SNX29: variants seen among roughly 807,000 people sequenced by gnomAD.
SNX29 encodes sorting nexin 29, also known as sorting nexin-29.
Under a neutral mutation model 102.1 loss-of-function variants are expected in SNX29, and 78 were observed. The observed-to-expected ratio is 0.76, with a 90% CI of 0.64 to 0.92. The LOEUF is 0.92. Among genes scored for constraint, SNX29 ranks in the 40% least tolerant of loss-of-function variants. The pLI, the probability that SNX29 is intolerant of heterozygous loss-of-function variation, is 0.00. For missense variants in SNX29, 1,280 were observed against 1,061.7 expected, an observed-to-expected ratio of 1.21 and a Z score of -2.86; for synonymous variants, 580 against 414.5, an observed-to-expected ratio of 1.40 and a Z score of -4.85.
chr16:12,479,917 T>A (rs1169991151), intron 19 of SNX29, among the ~76,000 whole-genome samples: 1 of 152,190 alleles, frequency 6.6e-6, no homozygotes, highest in African/African-American at 2.4e-5. Flanking sequence ...CTTAACATTG[T>A]CCTGACTTAA....
chr16:12,065,065 A>G (rs2050966450), intron 9 of SNX29, among the ~76,000 whole-genome samples: 1 of 152,164 alleles, frequency 6.6e-6, no homozygotes, highest in Admixed American at 6.5e-5. Context: ...GTTGGGAGGG[A>G]GAAAGGAGCA....
At chr16:12,512,413 T>G (rs2089670350) in intron 19 of SNX29, among the ~76,000 whole-genome samples, 1 of 75,664 alleles carries the variant, frequency 1.3e-5, no homozygotes, top group Non-Finnish European at 2.6e-5. Context: ...TATATATATA[T>G]ATATAGTTTT....
intron 17 of SNX29, among the ~76,000 whole-genome samples, chr16:12,400,625 C>A (rs2083901783): frequency 6.6e-6 from 1 of 152,166 alleles, no homozygotes; most frequent in Admixed American, 6.5e-5. Context: ...CAAAGCAGGC[C>A]CTGGAAGTCA....
At chr16:11,978,796 G>A (rs895666612) in intron 1 of SNX29, among the ~76,000 whole-genome samples, 1 of 152,094 alleles carries the variant, frequency 6.6e-6, no homozygotes, top group South Asian at 2.1e-4. Context: ...CTGGTGGCAC[G>A]CGCCTGTAAT....
intron 18 of SNX29, among the ~76,000 whole-genome samples, chr16:12,432,752 G>A (rs976158828): frequency 3.3e-5 from 5 of 152,210 alleles, no homozygotes; most frequent in Non-Finnish European, 5.9e-5. Flanking sequence ...AAAAGTTGAC[G>A]AGAGGAGAGG....
intron 19 of SNX29, among the ~76,000 whole-genome samples, chr16:12,502,439 G>A (rs1248676362): frequency 1.3e-5 from 2 of 152,138 alleles, no homozygotes; most frequent in African/African-American, 4.8e-5. Flanking sequence ...CGCCGGTGGT[G>A]GTGGTTGCTA....
rs751406925 is a variant in SNX29, at chr16:12,249,321, G to A, written c.1679-28612G>A. ...TTCACATTGCATCCCCACATGGCTG[G>A]CTTGGGCTTATTCATACCACAGTGG... On this transcript the variant is annotated intron_variant, in intron 14 of 20. Coordinates refer to ENST00000566228, the MANE Select transcript of SNX29 (RefSeq NM_032167.5). 6.6e-5 allele frequency among the ~76,000 whole-genome samples: 10 copies of A among 152,220 alleles called. 1 individual carries two copies. The highest frequency in any genetic ancestry group is 1.5e-4 in the Non-Finnish European group (10 of 68,048).
chr16:12,419,847 A>G (rs187035301), intron 18 of SNX29, among the ~76,000 whole-genome samples: 290 of 152,264 alleles, frequency 1.9e-3, no homozygotes, highest in African/African-American at 6.5e-3. Flanking sequence ...TCCTAAAGCC[A>G]TAGGTCGGTG....
chr16:12,277,853 A>C, intron 14 of SNX29, 80 bp from the exon 15 acceptor site: 1 of 1,254,192 alleles, frequency 8.0e-7, no homozygotes, highest in Non-Finnish European at 1.1e-6. Context: ...TCTGAGAAAG[A>C]AGAATTTTTT....
At chr16:12,351,590 A>AT (rs1284150921) in intron 15 of SNX29, among the ~76,000 whole-genome samples, 2 of 152,208 alleles carry the variant, frequency 1.3e-5, no homozygotes, top group African/African-American at 4.8e-5. Flanking sequence ...TTTTTGAAAA[A>AT]TTTGTAATCC....
intron 20 of SNX29, among the ~76,000 whole-genome samples, chr16:12,529,656 C>T (rs953750533): frequency 6.6e-6 from 1 of 152,114 alleles, no homozygotes; most frequent in Admixed American, 6.6e-5. Flanking sequence ...GCAGAAAACC[C>T]AGTCTGGGTT....
At chr16:12,275,093 C>T (rs377151413) in intron 14 of SNX29, among the ~76,000 whole-genome samples, 1 of 152,166 alleles carries the variant, frequency 6.6e-6, no homozygotes, top group Non-Finnish European at 1.5e-5. Flanking sequence ...GATGTCTACT[C>T]AGGTGTTGGA....
intron 20 of SNX29, among the ~76,000 whole-genome samples, chr16:12,558,730 TCAC>T (rs201090876): frequency 6.6e-6 from 1 of 152,218 alleles, no homozygotes; most frequent in Non-Finnish European, 1.5e-5. Context: ...TGCACAAGCC[TCAC>T]CACTAGGCTG....
At chr16:12,290,709 C>T (rs2079765455) in intron 15 of SNX29, among the ~76,000 whole-genome samples, 1 of 152,142 alleles carries the variant, frequency 6.6e-6, no homozygotes, top group East Asian at 1.9e-4. Context: ...TCCTAGTCTC[C>T]TTTATGGGTA....
chr16:12,319,658 C>T (rs2080864522), intron 15 of SNX29, among the ~76,000 whole-genome samples: 1 of 152,140 alleles, frequency 6.6e-6, no homozygotes, highest in Non-Finnish European at 1.5e-5. Context: ...GCTGGTTTCA[C>T]AGACCAGGAA....
chr16:12,448,634 C>T (rs1597413793), intron 18 of SNX29, among the ~76,000 whole-genome samples: 1 of 152,086 alleles, frequency 6.6e-6, no homozygotes, highest in Non-Finnish European at 1.5e-5. Context: ...TCCAGAAAAT[C>T]CTCTTGCCCT....
At chr16:12,474,294 G>A (rs1319969068) in intron 18 of SNX29, among the ~76,000 whole-genome samples, 1 of 152,220 alleles carries the variant, frequency 6.6e-6, no homozygotes, top group Admixed American at 6.5e-5. Flanking sequence ...CACATAATAG[G>A]TGGGCGGATC....
intron 4 of SNX29, among the ~76,000 whole-genome samples, chr16:12,039,051 T>G (rs1247407713): frequency 6.6e-6 from 1 of 152,214 alleles, no homozygotes; most frequent in East Asian, 1.9e-4. Flanking sequence ...CTCTTGCTGG[T>G]TTTTGTTATT....
intron 11 of SNX29, among the ~76,000 whole-genome samples, chr16:12,110,597 A>G (rs1206701451): frequency 2.0e-5 from 3 of 152,076 alleles, no homozygotes; most frequent in Non-Finnish European, 2.9e-5. Flanking sequence ...CTGAAGGCTT[A>G]GTGGTTGGGC....
Sources: allele counts gnomAD v4.1 joint callset (sites outside exome capture counted in the v4.1 genomes callset), GRCh38; gene constraint gnomAD v4.1.1; transcripts MANE v1.5; gene names NCBI Gene and HGNC (gene_info 2026-07-23, HGNC 2026-07-21).